RORA: variants seen among roughly 807,000 people sequenced by gnomAD.
The protein encoded by RORA is nuclear receptor ROR-alpha.
Under a neutral mutation model 69.5 loss-of-function variants are expected in RORA, and 7 were observed. The observed-to-expected ratio is 0.10, with a 90% CI of 0.06 to 0.19. The LOEUF is 0.19. Ranked by LOEUF, RORA falls within the 10% of genes least tolerant of loss-of-function variation. The pLI, the probability that RORA is intolerant of heterozygous loss-of-function variation, is 1.00. For missense variants in RORA, 457 were observed against 663.0 expected (o/e 0.69, Z 3.41); for synonymous variants, 261 against 240.8 (o/e 1.08, Z -0.78).
In RORA at chr15:60,628,160, TC is replaced by T. The variant is rs1453933560; in HGVS notation, c.196+50496del. On this transcript the variant is annotated intron_variant, in intron 2 of 10. Coordinates refer to ENST00000335670, the MANE Select transcript of RORA (RefSeq NM_134261.3). ...CGCTAGTTTTTACCTGGTGTCCTCT[TC>T]CTGTTGCAGGATCCCATCCGATCTC... 7.2e-5 allele frequency among the ~76,000 whole-genome samples: 11 copies of T among 152,310 alleles called. No individual in the cohort carries two copies. In the East Asian group the frequency reaches 1.2e-3, roughly 16 times the overall value.
intron 1 of RORA, among the ~76,000 whole-genome samples, chr15:60,879,253 A>G (rs900049477): frequency 3.3e-5 from 5 of 152,132 alleles, no homozygotes; most frequent in African/African-American, 7.2e-5. Flanking sequence ...CTGAGTTTCA[A>G]TCTGTTGCTA....
intron 1 of RORA, among the ~76,000 whole-genome samples, chr15:60,770,415 C>A (rs560446464): frequency 1.4e-3 from 216 of 152,238 alleles, no homozygotes; most frequent in African/African-American, 5.0e-3. Flanking sequence ...CAGTTCAGCT[C>A]TACATTAACC....
At chr15:60,990,657 A>ATACAATTACAAT (rs1199167566) in intron 1 of RORA, among the ~76,000 whole-genome samples, 1 of 152,196 alleles carries the variant, frequency 6.6e-6, no homozygotes, top group Non-Finnish European at 1.5e-5. Context: ...TATGTTACAT[A>ATACAATTACAAT]TACAATTACA....
At chr15:60,628,935 C>T (rs922292693) in intron 2 of RORA, among the ~76,000 whole-genome samples, 1 of 152,116 alleles carries the variant, frequency 6.6e-6, no homozygotes, top group African/African-American at 2.4e-5. Context: ...TAGAGAGGCC[C>T]GTTTTAGTTC....
At position 61,214,368 on chromosome 15, in the gene RORA, T is replaced by C. The variant is rs2080019015; in HGVS notation, c.166+14685A>G. The C allele has an allele frequency of 2.0e-5, 3 of 152,236 alleles. No homozygotes were observed. In the South Asian group the frequency reaches 6.2e-4, roughly 32 times the overall value. 9.4% of individuals were successfully genotyped at this position (152,236 alleles called of 1,614,324 possible). On this transcript the variant is annotated intron_variant, in intron 1 of 10. Transcript: ENST00000335670. ...GCATTGATACTGTCTACTATCTCCT[T>C]AAATCCTTGCGGGGTTTAAAACTTA...
intron 1 of RORA, among the ~76,000 whole-genome samples, chr15:60,754,982 CTTTT>C (rs34892513): frequency 6.9e-6 from 1 of 144,782 alleles, no homozygotes; most frequent in Non-Finnish European, 1.5e-5. Flanking sequence ...AGAGCTGAGT[CTTTT>C]TTTTTTTTTA....
At chr15:60,695,270 A>G (rs981105697) in intron 1 of RORA, among the ~76,000 whole-genome samples, 3 of 152,160 alleles carry the variant, frequency 2.0e-5, no homozygotes, top group African/African-American at 7.2e-5. Context: ...TAAGGAGCAA[A>G]AAGTATTTTA....
At chr15:61,016,407 CA>C (rs1484420269) in intron 1 of RORA, among the ~76,000 whole-genome samples, 4 of 152,156 alleles carry the variant, frequency 2.6e-5, no homozygotes, top group Non-Finnish European at 5.9e-5. Flanking sequence ...CCAGGATAAA[CA>C]GGTGGCATGC....
At chr15:60,793,808 G>A (rs1400572766) in intron 1 of RORA, among the ~76,000 whole-genome samples, 1 of 152,264 alleles carries the variant, frequency 6.6e-6, no homozygotes, top group South Asian at 2.1e-4. Context: ...AGGCTTACTG[G>A]CCACCAAATC....
At chr15:60,904,789 A>C (rs977719040) in intron 1 of RORA, among the ~76,000 whole-genome samples, 1 of 152,196 alleles carries the variant, frequency 6.6e-6, no homozygotes, top group Non-Finnish European at 1.5e-5. Context: ...GAACGACGGA[A>C]GAAGGCTGGT....
At chr15:60,775,433 T>C (rs1221274182) in intron 1 of RORA, among the ~76,000 whole-genome samples, 1 of 152,254 alleles carries the variant, frequency 6.6e-6, no homozygotes, top group African/African-American at 2.4e-5. Context: ...TTTCTTCCTA[T>C]GGAGACACTA....
At chr15:61,058,022 G>C (rs143869186) in intron 1 of RORA, among the ~76,000 whole-genome samples, 131 of 152,318 alleles carry the variant, frequency 8.6e-4, no homozygotes, top group Non-Finnish European at 1.6e-3. Flanking sequence ...GACTGAGTAG[G>C]ATGTTTTCTG....
chr15:60,900,240 G>A (rs1891349236), intron 1 of RORA, among the ~76,000 whole-genome samples: 1 of 152,182 alleles, frequency 6.6e-6, no homozygotes, highest in African/African-American at 2.4e-5. Context: ...CACATCATTA[G>A]GAGAAAAGGG....
At chr15:61,132,257 C>T (rs969317857) in intron 1 of RORA, among the ~76,000 whole-genome samples, 1 of 151,992 alleles carries the variant, frequency 6.6e-6, no homozygotes, top group African/African-American at 2.4e-5. Context: ...AGCATATATA[C>T]ATGTCAACAG....
At chr15:61,037,146 A>G (rs1222536908) in intron 1 of RORA, among the ~76,000 whole-genome samples, 1 of 152,188 alleles carries the variant, frequency 6.6e-6, no homozygotes, top group Non-Finnish European at 1.5e-5. Flanking sequence ...CAGTCTCCTT[A>G]TCTTCAAAAT....
chr15:61,066,929 G>A (rs2078269458), intron 1 of RORA, among the ~76,000 whole-genome samples: 1 of 146,654 alleles, frequency 6.8e-6, no homozygotes, highest in Non-Finnish European at 1.5e-5. Context: ...GATAGCCTAG[G>A]CCTTGGTCCA....
chr15:60,590,030 G>A (rs1463070787), intron 2 of RORA, among the ~76,000 whole-genome samples: 1 of 152,138 alleles, frequency 6.6e-6, no homozygotes, highest in Non-Finnish European at 1.5e-5. Context: ...AACATTTACA[G>A]CATTCCTCAC....
intron 1 of RORA, among the ~76,000 whole-genome samples, chr15:61,006,030 G>A (rs879286836): frequency 3.3e-5 from 5 of 151,926 alleles, no homozygotes; most frequent in Non-Finnish European, 7.4e-5. Flanking sequence ...GTGCAGTGGC[G>A]CGATCTTGGC....
intron 1 of RORA, among the ~76,000 whole-genome samples, chr15:60,710,361 G>A (rs1330421725): frequency 6.6e-6 from 1 of 152,146 alleles, no homozygotes; most frequent in Admixed American, 6.5e-5. Flanking sequence ...GGTGGTGCAT[G>A]ACTGTAATCT....
Sources: allele counts gnomAD v4.1 joint callset (sites outside exome capture counted in the v4.1 genomes callset), GRCh38; gene constraint gnomAD v4.1.1; transcripts MANE v1.5; gene names NCBI Gene and HGNC (gene_info 2026-07-23, HGNC 2026-07-21).